The following ADAM23 variants were observed in gnomAD, a reference collection of about 807,000 sequenced individuals.
ADAM23 encodes the protein disintegrin and metalloproteinase domain-containing protein 23.
In ADAM23, 33 loss-of-function variants were observed where a neutral mutation model predicts 120.1. That is an observed-to-expected ratio of 0.27 (90% CI 0.21 to 0.37). ADAM23 has a LOEUF of 0.37. ADAM23 is among the 10% of genes least tolerant of loss of function. The pLI, the probability that ADAM23 is intolerant of heterozygous loss-of-function variation, is 1.00. For missense variants in ADAM23, 862 were observed against 1,058.2 expected (o/e 0.81, Z 2.57); for synonymous variants, 367 against 375.2 (o/e 0.98, Z 0.25).
At chr2:206,614,135 A>G (rs1460565298) in intron 25 of ADAM23, among the ~76,000 whole-genome samples, 1 of 152,206 alleles carries the variant, frequency 6.6e-6, no homozygotes, top group African/African-American at 2.4e-5. Context: ...GGCCTGGCAT[A>G]GCTACTCCTT....
chr2:206,600,018 A>C (rs10172194), intron 24 of ADAM23, among the ~76,000 whole-genome samples: 1 of 152,134 alleles, frequency 6.6e-6, no homozygotes, highest in Non-Finnish European at 1.5e-5. Flanking sequence ...TGGCTAACAC[A>C]GTGAAGCCTC....
chr2:206,462,836 T>C (rs1055680889), intron 2 of ADAM23, among the ~76,000 whole-genome samples: 6 of 152,168 alleles, frequency 3.9e-5, no homozygotes, highest in African/African-American at 1.4e-4. Flanking sequence ...ACAGATTTTG[T>C]TGTGGTTTCA....
At chr2:206,559,913 C>T (rs755566008) in intron 10 of ADAM23, 42 bp from the exon 11 acceptor site, 2 of 1,563,930 alleles carry the variant, frequency 1.3e-6, no homozygotes, top group Non-Finnish European at 1.7e-6. Flanking sequence ...CATGTTTGAC[C>T]CAGTGTTTTC....
intron 2 of ADAM23, among the ~76,000 whole-genome samples, chr2:206,457,008 A>C (rs1045556697): frequency 6.6e-6 from 1 of 152,308 alleles, no homozygotes. Flanking sequence ...ACCATATACT[A>C]TAATAGCTGT....
chr2:206,567,473 G>A (rs1316949421), intron 15 of ADAM23, 151 bp downstream of exon 15: 3 of 547,208 alleles, frequency 5.5e-6, no homozygotes, highest in East Asian at 3.0e-5. Flanking sequence ...TCATGTTAAA[G>A]ATTGAGTCCT....
intron 24 of ADAM23, among the ~76,000 whole-genome samples, chr2:206,609,464 T>C (rs968122844): frequency 1.1e-4 from 16 of 152,208 alleles, no homozygotes; most frequent in Admixed American, 5.2e-4. Flanking sequence ...AGACCACTTT[T>C]AGGTGCTTTT....
At chr2:206,613,614 C>G (rs1410528168) in intron 25 of ADAM23, among the ~76,000 whole-genome samples, 1 of 152,094 alleles carries the variant, frequency 6.6e-6, no homozygotes, top group Admixed American at 6.5e-5. Flanking sequence ...AAACCTCTGT[C>G]CTAGTTGACT....
intron 19 of ADAM23, 89 bp from the exon 20 acceptor site, chr2:206,588,002 C>A: frequency 7.3e-7 from 1 of 1,374,722 alleles, no homozygotes; most frequent in Non-Finnish European, 1.0e-6. Flanking sequence ...AAAACTTTAT[C>A]CAAGTGAACC....
intron 24 of ADAM23, among the ~76,000 whole-genome samples, chr2:206,603,042 C>A (rs529142483): frequency 6.6e-6 from 1 of 152,170 alleles, no homozygotes; most frequent in East Asian, 1.9e-4. Flanking sequence ...TTAAGCGTTC[C>A]ATCTCCAGGT....
chr2:206,528,279 A>G (rs1364383797), intron 3 of ADAM23, among the ~76,000 whole-genome samples: 1 of 152,188 alleles, frequency 6.6e-6, no homozygotes, highest in African/African-American at 2.4e-5. Context: ...TAGCCAACTT[A>G]ATTAACTAGC....
intron 14 of ADAM23, 136 bp from the exon 15 acceptor site, chr2:206,567,086 TA>T: frequency 1.5e-6 from 1 of 661,672 alleles, no homozygotes; most frequent in Non-Finnish European, 2.6e-6. Context: ...AATTTGAACA[TA>T]AGTCCCTTGT....
At chr2:206,557,531 C>G in intron 10 of ADAM23, 33 bp downstream of exon 10, 1 of 1,547,960 alleles carries the variant, frequency 6.5e-7, no homozygotes, top group Admixed American at 1.7e-5. Flanking sequence ...ATTTGTGTGC[C>G]AAGATGGAAT....
At chr2:206,571,599 C>A (rs369072463) in intron 16 of ADAM23, 128 bp from the exon 17 acceptor site, 4 of 601,866 alleles carry the variant, frequency 6.6e-6, no homozygotes, top group East Asian at 2.8e-5. Context: ...GTAATTAATT[C>A]TTTCCCAGAA....
At chr2:206,594,991 G>A (rs1698496541) in intron 23 of ADAM23, 86 bp downstream of exon 23, 1 of 1,530,802 alleles carries the variant, frequency 6.5e-7, no homozygotes, top group South Asian at 1.2e-5. Flanking sequence ...CATTCTCCTA[G>A]CCAACATGGT....
Position 206,618,746 on chromosome 2 carries a change from G to A in ADAM23, c.*1119G>A, listed in dbSNP as rs1272397245. The A allele has an allele frequency of 1.3e-5, 2 of 152,050 alleles. No individual in the cohort carries two copies. The highest frequency in any genetic ancestry group is 4.8e-5 in the African/African-American group (2 of 41,372). The allele number at this position is 152,050 out of a possible 1,614,324, so 9.4% of individuals were successfully genotyped here. A position where few individuals can be genotyped will look rare whatever the true frequency, so the allele number is the denominator to read the frequency against. ...AAACAACAAAATAACCCATATCAAA[G>A]ACACAAAATTATGTAAATGGAAATA... On this transcript the variant is annotated 3_prime_UTR_variant, in exon 26 of 26. Transcript: ENST00000264377.
chr2:206,616,504 C>T (rs937768135), intron 25 of ADAM23, among the ~76,000 whole-genome samples: 3 of 152,138 alleles, frequency 2.0e-5, no homozygotes, highest in Non-Finnish European at 4.4e-5. Context: ...ATCAAAGTGA[C>T]CATCTTGGGA....
intron 18 of ADAM23, among the ~76,000 whole-genome samples, chr2:206,585,918 A>T (rs1463352071): frequency 6.6e-6 from 1 of 152,258 alleles, no homozygotes; most frequent in Non-Finnish European, 1.5e-5. Flanking sequence ...GCACAGCCCC[A>T]GAGAGTGCCA....
chr2:206,469,112 C>T (rs1695602100), intron 2 of ADAM23, among the ~76,000 whole-genome samples: 1 of 152,184 alleles, frequency 6.6e-6, no homozygotes, highest in Non-Finnish European at 1.5e-5. Flanking sequence ...TTGGGGATTA[C>T]AATTGAACAT....
chr2:206,450,096 A>G (rs1488852729), intron 2 of ADAM23, among the ~76,000 whole-genome samples: 1 of 152,188 alleles, frequency 6.6e-6, no homozygotes, highest in East Asian at 1.9e-4. Flanking sequence ...GGTATGGGAC[A>G]ACAGAAAGAG....
Sources: gnomAD v4.1 joint callset for allele counts (sites outside exome capture counted in the v4.1 genomes callset) on GRCh38, gnomAD v4.1.1 for gene constraint, MANE v1.5 for transcripts, NCBI Gene and HGNC (gene_info 2026-07-23, HGNC 2026-07-21) for gene names.